MAP9: variants seen among roughly 807,000 people sequenced by gnomAD.
The protein encoded by MAP9 is microtubule-associated protein 9.
A neutral mutation model predicts 75.2 loss-of-function variants in MAP9; 80 were observed. The ratio of observed to expected loss-of-function variants is 1.06; its 90% CI spans 0.89 to 1.28. MAP9 has a LOEUF of 1.28. MAP9 is among the 50% of genes most tolerant of loss of function. The pLI is 0.00. For missense variants in MAP9, 753 were observed against 719.9 expected (o/e 1.05, Z -0.53); for synonymous variants, 235 against 237.3 (o/e 0.99, Z 0.09).
At chr4:155,364,016 TAAAG>T (rs1732209165) in intron 5 of MAP9, among the ~76,000 whole-genome samples, 1 of 151,924 alleles carries the variant, frequency 6.6e-6, no homozygotes, top group South Asian at 2.1e-4. Flanking sequence ...AGAATAAACA[TAAAG>T]AAAGCTAGAC....
rs149065220 is a variant in MAP9, at chr4:155,374,111, C to T, written c.161-655G>A. On this transcript the variant is annotated intron_variant, in intron 3 of 13. Coordinates refer to ENST00000311277, the MANE Select transcript of MAP9 (RefSeq NM_001039580.2). ...ATCCCAGCACTTTGGGAGGCTGAGG[C>T]GGGCGGATCACAAGGTCAGGAGTTC... is the stretch of plus-strand genomic sequence containing the variant. 8.8e-3 allele frequency among the ~76,000 whole-genome samples: 1,346 copies of T among 152,174 alleles called. 22 individuals carry two copies. Among genetic ancestry groups the T allele is most frequent in the African/African-American group, 0.029 (1,199 of 41,514 alleles).
At position 155,347,774 on chromosome 4, in the gene MAP9, C is replaced by T; in HGVS notation, c.*9G>A. 1 of 1,588,052 alleles carries T rather than the reference C, an allele frequency of 6.3e-7. No individual in the cohort carries two copies. Among genetic ancestry groups the T allele is most frequent in the Non-Finnish European group, 8.5e-7 (1 of 1,170,564 alleles). ...GATAAATAACCAAATAATGTAAGAA[C>T]TAGAATTATCAAAACACTTTTGCGA... On this transcript the variant is annotated 3_prime_UTR_variant, in exon 14 of 14. Coordinates refer to ENST00000311277, the MANE Select transcript of MAP9 (RefSeq NM_001039580.2).
rs1040396772 is a variant in MAP9, at chr4:155,342,951, T to C, written c.*4832A>G. On this transcript the variant is annotated 3_prime_UTR_variant, in exon 14 of 14. Transcript: ENST00000311277. ...ATAATGATATTGGCTACAAGAATAA[T>C]GATCATATTATTTATCATATAATTT... is the stretch of plus-strand genomic sequence containing the variant. 1 of 152,040 alleles carries C rather than the reference T, an allele frequency of 6.6e-6. No homozygotes were observed. The highest frequency in any genetic ancestry group is 1.5e-5 in the Non-Finnish European group (1 of 67,942). The allele number at this position is 152,040 out of a possible 1,614,324, so 9.4% of individuals were successfully genotyped here.
At chr4:155,356,777 CAA>C (rs1731809347) in intron 8 of MAP9, among the ~76,000 whole-genome samples, 1 of 152,102 alleles carries the variant, frequency 6.6e-6, no homozygotes. Flanking sequence ...GTATCGCCTA[CAA>C]AGCCTAAAAT....
chr4:155,358,303 C>G (rs1731897789), intron 7 of MAP9, among the ~76,000 whole-genome samples: 2 of 152,166 alleles, frequency 1.3e-5, no homozygotes, highest in African/African-American at 4.8e-5. Context: ...CTACTTTACA[C>G]AGACTGATGG....
Position 155,369,115 on chromosome 4 carries a change from G to A in MAP9, c.482-303C>T, listed in dbSNP as rs1291675668. On this transcript the variant is annotated intron_variant, in intron 4 of 13. Coordinates refer to ENST00000311277, the MANE Select transcript of MAP9 (RefSeq NM_001039580.2). ...AGGTGGGCAGATCATGAGGTCAGGA[G>A]TTCGAGACCAGCCTGGCTAACACGG... 2.6e-5 allele frequency among the ~76,000 whole-genome samples: 4 copies of A among 152,112 alleles called. No homozygotes were observed. The East Asian group carries it at 5.8e-4, about 22-fold the overall frequency.
At position 155,352,935 on chromosome 4, in the gene MAP9, A is replaced by G; in HGVS notation, c.1665T>C (p.Asp555=). 2.0e-6 allele frequency: 3 copies of G among 1,536,000 alleles called. No individual in the cohort carries two copies. The highest frequency in any genetic ancestry group is 8.8e-7 in the Non-Finnish European group (1 of 1,137,496). Residue 555 remains aspartate, a synonymous_variant, in exon 12 of 14, where the codon GAT becomes GAC. Coordinates refer to ENST00000311277, the MANE Select transcript of MAP9 (RefSeq NM_001039580.2). ...ACCATTTCTCAACAGCAGTTAAATT[A>G]TCTTTCTTTTTCTCGGCAACAGTTT... ...EEETVAEKKK[D]NLTAVEKWNE...
chr4:155,360,482 T>C (rs1732022542), intron 6 of MAP9, 67 bp from the exon 7 acceptor site: 1 of 1,439,062 alleles, frequency 6.9e-7, no homozygotes, highest in Admixed American at 2.1e-5. Flanking sequence ...ACTTGATTCA[T>C]TTGCTTTCTT....
rs1732690863 is a variant in MAP9, at chr4:155,373,350, T to C, written c.267A>G (p.Leu89=). ...TTGATTTATTGGTTTTCAAAAACAA[T>C]AGTTTTGAAGGATTCTTTTCTTCAT... ...SDDEEKNPSK[L]LFLKTNKSNG... is the part of the protein sequence containing the mutation. The change falls in exon 4 of 14, where the codon CTA becomes CTG. Residue 89 remains leucine, a synonymous_variant. Transcript: ENST00000311277. 6.2e-7 allele frequency: 1 copy of C among 1,613,316 alleles called. No homozygotes were observed. The highest frequency in any genetic ancestry group is 8.5e-7 in the Non-Finnish European group (1 of 1,179,546).
intron 6 of MAP9, 103 bp downstream of exon 6, chr4:155,361,945 C>A: frequency 1.4e-6 from 1 of 720,716 alleles, no homozygotes; most frequent in Non-Finnish European, 2.3e-6. Context: ...CACATAAAAA[C>A]ATATATTTCT....
chr4:155,367,246 G>A (rs1378290063), intron 5 of MAP9: 1 of 152,100 alleles, frequency 6.6e-6, no homozygotes, highest in Non-Finnish European at 1.5e-5. Context: ...CTTTTTTTAA[G>A]AGAAAGAAGA....
chr4:155,362,981 A>G (rs2111246397), intron 5 of MAP9: 1 of 152,320 alleles, frequency 6.6e-6, no homozygotes, highest in Non-Finnish European at 1.5e-5. Context: ...TCTCCAGTCT[A>G]TGCAGCTCAA....
intron 5 of MAP9, chr4:155,368,331 T>TC: frequency 1.7e-6 from 1 of 581,684 alleles, no homozygotes; most frequent in Non-Finnish European, 3.0e-6. Context: ...ATCACTGGTG[T>TC]GTTATAGTTT....
At chr4:155,370,241 C>G (rs1732533959) in intron 4 of MAP9, among the ~76,000 whole-genome samples, 1 of 152,072 alleles carries the variant, frequency 6.6e-6, no homozygotes, top group African/African-American at 2.4e-5. Context: ...GCTGTCGGGT[C>G]CTTATCCACT....
chr4:155,357,144 C>T (rs1339814179), intron 8 of MAP9: 3 of 273,802 alleles, frequency 1.1e-5, no homozygotes, highest in Admixed American at 5.5e-5. Flanking sequence ...CAAAGAATCC[C>T]TAATCACTGA....
At chr4:155,373,511 T>C in intron 3 of MAP9, 55 bp from the exon 4 acceptor site, 1 of 1,168,938 alleles carries the variant, frequency 8.6e-7, no homozygotes, top group Non-Finnish European at 1.2e-6. Flanking sequence ...ATTGTCAAGG[T>C]TACGTTAACT....
intron 1 of MAP9, among the ~76,000 whole-genome samples, 173 bp from the exon 2 acceptor site, chr4:155,376,087 T>A (rs1273523928): frequency 1.3e-5 from 2 of 152,174 alleles, no homozygotes. Flanking sequence ...CAAGCTTGTT[T>A]AAAAAAATTC....
At chr4:155,374,055 AC>A (rs1436780959) in intron 3 of MAP9, among the ~76,000 whole-genome samples, 1 of 152,136 alleles carries the variant, frequency 6.6e-6, no homozygotes, top group Non-Finnish European at 1.5e-5. Context: ...AGAATAAAAC[AC>A]CAGGCCGGGT....
At chr4:155,367,812 C>A (rs978372250) in intron 5 of MAP9, among the ~76,000 whole-genome samples, 11 of 152,216 alleles carry the variant, frequency 7.2e-5, no homozygotes, top group African/African-American at 2.4e-4. Flanking sequence ...GCACCTTCTG[C>A]CTCACCTCCC....
Sources: allele counts gnomAD v4.1 joint callset (sites outside exome capture counted in the v4.1 genomes callset), GRCh38; gene constraint gnomAD v4.1.1; transcripts MANE v1.5; gene names NCBI Gene and HGNC (gene_info 2026-07-23, HGNC 2026-07-21).